The following SLC34A2 variants were observed in gnomAD, a reference collection of about 807,000 sequenced individuals.
SLC34A2 encodes the protein sodium-dependent phosphate transport protein 2B.
In SLC34A2, 41 loss-of-function variants were observed where a neutral mutation model predicts 50.8. The observed-to-expected ratio is 0.81, with a 90% confidence interval of 0.63 to 1.05. The LOEUF (loss-of-function observed/expected upper bound fraction) is 1.05, where lower values mean the gene tolerates loss of function less well. Ranked by LOEUF, SLC34A2 falls within the 50% of genes least tolerant of loss-of-function variation. SLC34A2 has a pLI of 0.00. For missense variants in SLC34A2, 879 were observed against 876.7 expected (o/e 1.00, Z -0.03); for synonymous variants, 401 against 364.2 (o/e 1.10, Z -1.15).
In SLC34A2 at chr4:25,664,201, G is replaced by A; in HGVS notation, c.251-1G>A. 1 of 1,606,506 alleles carries A rather than the reference G, an allele frequency of 6.2e-7. No individual in the cohort carries two copies. On this transcript the variant is annotated splice_acceptor_variant, in intron 3 of 12. Coordinates refer to ENST00000382051, the MANE Select transcript of SLC34A2 (RefSeq NM_006424.3). LOFTEE classifies it high-confidence loss of function. Reference sequence around the variant, plus strand: ...TCTCCCCCCATCCCACCCCCCTGCAGAGAGAGACACCAAAGGGAAGATTCT... The same window carrying A: ...TCTCCCCCCATCCCACCCCCCTGCAAAGAGAGACACCAAAGGGAAGATTCT...
Position 25,670,807 on chromosome 4 carries a change from A to G in SLC34A2, c.901A>G (p.Ile301Val), listed in dbSNP as rs968407909. The G allele has an allele frequency of 6.2e-6, 10 of 1,614,058 alleles. No individual in the cohort carries two copies. The highest frequency in any genetic ancestry group is 7.6e-6 in the Non-Finnish European group (9 of 1,179,908). Reference protein sequence around the residue: ...EKAKNKSLVKIWCKTFTNKTQ... With the variant: ...EKAKNKSLVKVWCKTFTNKTQ... Reference sequence around the variant, plus strand: ...AGCGAAAAACAAGAGTCTTGTCAAGATTTGGTGCAAAACTTTTACCAACAA... The same window carrying G: ...AGCGAAAAACAAGAGTCTTGTCAAGGTTTGGTGCAAAACTTTTACCAACAA... Residue 301 changes from isoleucine to valine, a missense_variant, in exon 8 of 13, where the codon ATT (isoleucine) becomes GTT (valine). Ile to Val is a conservative substitution (Grantham distance 29). Coordinates refer to ENST00000382051, the MANE Select transcript of SLC34A2 (RefSeq NM_006424.3).
chr4:25,678,274 C>G lies in SLC34A2; in HGVS notation c.*1525C>G, dbSNP rs560922562. On this transcript the variant is annotated 3_prime_UTR_variant, in exon 13 of 13. Coordinates refer to ENST00000382051, the MANE Select transcript of SLC34A2 (RefSeq NM_006424.3). ...CAATTCCCAAACAGAGCCAAATACTCTATATCTATAGTCACAGCCCTGTAC... is the reference window on the plus strand; with the variant it reads ...CAATTCCCAAACAGAGCCAAATACTGTATATCTATAGTCACAGCCCTGTAC... 11 of 153,040 alleles carry G rather than the reference C, an allele frequency of 7.2e-5. No individual in the cohort carries two copies. In the East Asian group the frequency reaches 1.3e-3, roughly 19 times the overall value. The allele number at this position is 153,040 out of a possible 1,614,324, so 9.5% of individuals were successfully genotyped here. A position where few individuals can be genotyped will look rare whatever the true frequency, so the allele number is the denominator to read the frequency against.
intron 3 of SLC34A2, among the ~76,000 whole-genome samples, chr4:25,663,390 G>A (rs1714316955): frequency 6.6e-6 from 1 of 152,204 alleles, no homozygotes; most frequent in South Asian, 2.1e-4. Context: ...GGGTGATGAG[G>A]TTCCAGGTAC....
intron 3 of SLC34A2, 31 bp from the exon 4 acceptor site, chr4:25,664,169 TTC>T: frequency 6.2e-7 from 1 of 1,609,702 alleles, no homozygotes; most frequent in Non-Finnish European, 8.5e-7. Flanking sequence ...TTTCATGCCT[TTC>T]TCTCTCTCCC....
intron 5 of SLC34A2, 66 bp from the exon 6 acceptor site, chr4:25,667,814 A>T: frequency 1.0e-6 from 1 of 987,212 alleles, no homozygotes; most frequent in Non-Finnish European, 1.6e-6. Context: ...ATACCAGCAT[A>T]GGTAACTTTA....
chr4:25,661,867 C>A (rs993247967), intron 1 of SLC34A2, among the ~76,000 whole-genome samples: 4 of 151,050 alleles, frequency 2.6e-5, no homozygotes, highest in Admixed American at 1.3e-4. Flanking sequence ...TTGCACCCTG[C>A]CTTTTTCTTT....
intron 10 of SLC34A2, among the ~76,000 whole-genome samples, chr4:25,673,931 G>A (rs749943705): frequency 6.6e-6 from 1 of 152,180 alleles, no homozygotes; most frequent in South Asian, 2.1e-4. Flanking sequence ...GCTCTTTAAG[G>A]CAGAAATGAA....
At chr4:25,671,541 T>C in intron 8 of SLC34A2, 60 bp from the exon 9 acceptor site, 5 of 1,454,834 alleles carry the variant, frequency 3.4e-6, no homozygotes, top group Non-Finnish European at 2.9e-6. Context: ...ACCCCCGCCA[T>C]TGCCTCCCAT....
intron 1 of SLC34A2, among the ~76,000 whole-genome samples, chr4:25,662,137 G>T (rs1338325405): frequency 6.6e-6 from 1 of 152,230 alleles, no homozygotes; most frequent in Non-Finnish European, 1.5e-5. Context: ...CTCCCAAAGT[G>T]CTGGGATTAC....
intron 5 of SLC34A2, 129 bp downstream of exon 5, chr4:25,666,400 C>G: frequency 1.9e-6 from 2 of 1,039,490 alleles, no homozygotes; most frequent in Non-Finnish European, 2.8e-6. Context: ...TGGTATCTTG[C>G]CCCAGCTACA....
Position 25,669,702 on chromosome 4 carries a change from C to T in SLC34A2, c.691C>T (p.Leu231Phe). The change falls in exon 7 of 13, where the codon CTC becomes TTC. Residue 231 changes from leucine to phenylalanine, a missense_variant. Transcript: ENST00000382051. ...CTTCAACTGGCTGTCCGTGTTGGTGCTCTTGCCCGTGGAGGTGGCCACCCA... is the reference window on the plus strand; with the variant it reads ...CTTCAACTGGCTGTCCGTGTTGGTGTTCTTGCCCGTGGAGGTGGCCACCCA... Reference protein sequence around the residue: ...DFFNWLSVLVLLPVEVATHYL... With the variant: ...DFFNWLSVLVFLPVEVATHYL... The T allele has an allele frequency of 6.2e-7, 1 of 1,614,172 alleles. No individual in the cohort carries two copies. Among genetic ancestry groups the T allele is most frequent in the Non-Finnish European group, 8.5e-7 (1 of 1,180,038 alleles).
Position 25,673,128 on chromosome 4 carries a change from G to A in SLC34A2, c.1090G>A (p.Val364Met). 11 of 1,614,134 alleles carry A rather than the reference G, an allele frequency of 6.8e-6. No homozygotes were observed. Among genetic ancestry groups the A allele is most frequent in the Non-Finnish European group, 9.3e-6 (11 of 1,180,020 alleles). ...GAATTTCCACCTCCCGGATCTTGCT[G>A]TGGGCACCATCTTGCTCATACTCTC... ...FVNFHLPDLAVGTILLILSLL... is the reference protein window; with the variant it reads ...FVNFHLPDLAMGTILLILSLL... The change falls in exon 10 of 13, where the codon GTG becomes ATG. Residue 364 changes from valine (V) to methionine (M), a missense_variant. Coordinates refer to ENST00000382051, the MANE Select transcript of SLC34A2 (RefSeq NM_006424.3).
intron 9 of SLC34A2, 99 bp downstream of exon 9, chr4:25,671,820 G>A (rs1450876163): frequency 6.5e-7 from 1 of 1,546,740 alleles, no homozygotes; most frequent in Non-Finnish European, 8.9e-7. Context: ...AAGGACAGTA[G>A]GAGTCACCAA....
chr4:25,658,854 G>T (rs1398128672), intron 1 of SLC34A2, among the ~76,000 whole-genome samples: 1 of 151,938 alleles, frequency 6.6e-6, no homozygotes, highest in Non-Finnish European at 1.5e-5. Context: ...GGCTTAGAGG[G>T]GCTCAGAGCT....
chr4:25,669,402 C>G (rs1199537426), intron 6 of SLC34A2, among the ~76,000 whole-genome samples: 1 of 152,164 alleles, frequency 6.6e-6, no homozygotes, highest in African/African-American at 2.4e-5. Flanking sequence ...ACAGTGATTG[C>G]TGAGCTAATT....
chr4:25,676,905 T>G lies in SLC34A2; in HGVS notation c.*156T>G, dbSNP rs1403454801. The G allele has an allele frequency of 3.1e-6, 3 of 979,152 alleles. No individual in the cohort carries two copies. The highest frequency in any genetic ancestry group is 4.2e-6 in the Non-Finnish European group (3 of 707,982). The allele number at this position is 979,152 out of a possible 1,614,324, so 60.7% of individuals were successfully genotyped here. ...CCTACCTAACTCGATTCCCTTTGGC[T>G]TGGTGGTAGGCCTGCAGGGCACTTT... On this transcript the variant is annotated 3_prime_UTR_variant, in exon 13 of 13. Transcript: ENST00000382051.
intron 9 of SLC34A2, 46 bp downstream of exon 9, chr4:25,671,767 G>T (rs202015629): frequency 2.5e-6 from 4 of 1,613,770 alleles, no homozygotes. Flanking sequence ...GTGTTGTCTG[G>T]GGGTGACCTA....
rs116048814 is a variant in SLC34A2, at chr4:25,664,252, T to C, written c.301T>C (p.Leu101=). Residue 101 remains leucine, a synonymous_variant, in exon 4 of 13, where the codon TTG becomes CTG. Coordinates refer to ENST00000382051, the MANE Select transcript of SLC34A2 (RefSeq NM_006424.3). ...ILCFFQGIGR[L]ILLLGFLYFF... is the part of the protein sequence containing the mutation. ...CTGTTTCTTCCAAGGGATTGGGAGA[T>C]TGATTTTACTTCTCGGATTTCTCTA... 1.7e-4 allele frequency: 274 copies of C among 1,611,512 alleles called. 4 individuals carry two copies. The East Asian group carries it at 6.0e-3, about 35-fold the overall frequency.
At chr4:25,663,741 C>T (rs1714333612) in intron 3 of SLC34A2, among the ~76,000 whole-genome samples, 1 of 152,126 alleles carries the variant, frequency 6.6e-6, no homozygotes, top group Non-Finnish European at 1.5e-5. Flanking sequence ...GTATGATGCC[C>T]CAAGCCCTCC....
Sources: allele counts gnomAD v4.1 joint callset (sites outside exome capture counted in the v4.1 genomes callset), GRCh38; gene constraint gnomAD v4.1.1; transcripts MANE v1.5; gene names NCBI Gene and HGNC (gene_info 2026-07-23, HGNC 2026-07-21).